The following BCLAF3 variants were observed in gnomAD, a reference collection of about 807,000 sequenced individuals.
BCLAF3 encodes the protein BCLAF1 and THRAP3 family member 3, also known as transient octamer binding factor 1.
Under a neutral mutation model 51.2 loss-of-function variants are expected in BCLAF3, and 24 were observed. The ratio of observed to expected loss-of-function variants is 0.47; its 90% CI spans 0.34 to 0.66. BCLAF3 has a LOEUF of 0.66. BCLAF3 is among the 30% of genes least tolerant of loss of function. The pLI, the probability that BCLAF3 is intolerant of heterozygous loss-of-function variation, is 0.01. For missense variants in BCLAF3, 465 were observed against 525.1 expected, an observed-to-expected ratio of 0.89 and a Z score of 1.12; for synonymous variants, 152 against 176.6, an observed-to-expected ratio of 0.86 and a Z score of 1.10.
intron 1 of BCLAF3, among the ~76,000 whole-genome samples, chrX:19,971,363 G>A (rs1403127780): frequency 8.9e-6 from 1 of 112,279 alleles, no homozygotes; most frequent in East Asian, 2.8e-4. Context: ...GATTACAGGC[G>A]TGAGCTACCA....
intron 1 of BCLAF3, among the ~76,000 whole-genome samples, chrX:19,989,490 G>T (rs2072888617): frequency 8.9e-6 from 1 of 111,867 alleles, no homozygotes; most frequent in Admixed American, 9.5e-5. Context: ...AGTGAGATTC[G>T]AAAGTAATCA....
At position 19,929,914 on chromosome X, in the gene BCLAF3, C is replaced by A. The variant is rs766849440; in HGVS notation, c.1977G>T (p.Gln659His). Residue 659 changes from glutamine (Q) to histidine (H), a missense_variant, in exon 11 of 12, where the codon CAG becomes CAT. Gln to His is a conservative substitution (Grantham distance 24). Coordinates refer to ENST00000379682, the MANE Select transcript of BCLAF3 (RefSeq NM_001367774.2). ...FKSNFRGGRC[Q>H]PNYKSGLVQK... ...GTACCAGGCCTGATTTATAATTGGG[C>A]TGGCATCTGCCACCTCTAAAGTTGC... 8.3e-7 allele frequency: 1 copy of A among 1,207,123 alleles called. No homozygotes were observed. The highest frequency in any genetic ancestry group is 2.2e-5 in the Admixed American group (1 of 45,129).
chrX:19,939,121 T>C (rs1359451754), intron 8 of BCLAF3, among the ~76,000 whole-genome samples: 1 of 111,738 alleles, frequency 8.9e-6, no homozygotes, highest in Non-Finnish European at 1.9e-5. Context: ...ATCAAAAGAG[T>C]AAAGTGCAAA....
chrX:19,936,238 T>C (rs1463621935), intron 9 of BCLAF3, among the ~76,000 whole-genome samples: 1 of 111,977 alleles, frequency 8.9e-6, no homozygotes, highest in Admixed American at 9.5e-5. Flanking sequence ...AATAAACCCA[T>C]TACTATCAGG....
intron 8 of BCLAF3, among the ~76,000 whole-genome samples, chrX:19,938,377 C>A (rs1464937808): frequency 9.0e-6 from 1 of 111,560 alleles, no homozygotes; most frequent in Non-Finnish European, 1.9e-5. Flanking sequence ...CCCCAACAGG[C>A]ACACTGAGCT....
chrX:19,989,636 A>T (rs2072890705), intron 1 of BCLAF3, among the ~76,000 whole-genome samples: 1 of 112,516 alleles, frequency 8.9e-6, no homozygotes, highest in Non-Finnish European at 1.9e-5. Flanking sequence ...ATTACAAAAG[A>T]GAATTCACTT....
At chrX:19,920,444 G>A (rs2070108004) in intron 11 of BCLAF3, among the ~76,000 whole-genome samples, 1 of 111,581 alleles carries the variant, frequency 9.0e-6, no homozygotes, top group African/African-American at 3.3e-5. Context: ...GGATGTGTGT[G>A]TGTGTGTGCA....
At chrX:19,961,051 C>T (rs868642218) in intron 4 of BCLAF3, among the ~76,000 whole-genome samples, 4 of 111,779 alleles carry the variant, frequency 3.6e-5, no homozygotes, top group Middle Eastern at 4.6e-3. Flanking sequence ...ACCACCTCCT[C>T]CCTCCTCCTC....
rs989751583 is a variant in BCLAF3, at chrX:19,913,120, C to T, written c.*4185G>A. ...ATGGAGTCTCGCTCTGTCGCCCAGG[C>T]TGGAGTGCAATGGCGTGGCCTCGGT... On this transcript the variant is annotated 3_prime_UTR_variant, in exon 12 of 12. Transcript: ENST00000379682. 3.6e-5 allele frequency: 4 copies of T among 112,006 alleles called. No homozygotes were observed. Among genetic ancestry groups the T allele is most frequent in the African/African-American group, 1.3e-4 (4 of 30,751 alleles). 9.2% of individuals were successfully genotyped at this position (112,006 alleles called of 1,213,427 possible).
At chrX:19,923,027 C>G (rs2070225120) in intron 11 of BCLAF3, 1 of 111,567 alleles carries the variant, frequency 9.0e-6, no homozygotes, top group Admixed American at 9.6e-5. Context: ...TTATCGAGTT[C>G]CTGTGGTATG....
chrX:19,923,866 G>C (rs1274321161), intron 11 of BCLAF3, among the ~76,000 whole-genome samples: 7 of 104,073 alleles, frequency 6.7e-5, no homozygotes, highest in African/African-American at 2.5e-4. Context: ...TTTTGAGACA[G>C]AATCTCACTC....
intron 1 of BCLAF3, among the ~76,000 whole-genome samples, chrX:19,978,220 G>A (rs1407097417): frequency 8.9e-6 from 1 of 111,950 alleles, no homozygotes; most frequent in Non-Finnish European, 1.9e-5. Flanking sequence ...TAAGACTATA[G>A]CTGCCATTGA....
At chrX:19,977,183 C>T (rs1748476358) in intron 1 of BCLAF3, among the ~76,000 whole-genome samples, 1 of 111,285 alleles carries the variant, frequency 9.0e-6, no homozygotes, top group African/African-American at 3.3e-5. Flanking sequence ...ACTAATAATC[C>T]TAAAATGGCC....
chrX:19,949,147 C>T (rs1346481473), intron 8 of BCLAF3, among the ~76,000 whole-genome samples: 1 of 111,692 alleles, frequency 9.0e-6, no homozygotes, highest in East Asian at 2.8e-4. Context: ...CATCCTTGCA[C>T]ACTACCACAC....
At position 19,938,305 on chromosome X, in the gene BCLAF3, A is replaced by T. The variant is rs374109463; in HGVS notation, c.1746-773T>A. 1.6e-4 allele frequency among the ~76,000 whole-genome samples: 17 copies of T among 107,620 alleles called. No homozygotes were observed. In the East Asian group the frequency reaches 2.6e-3, roughly 17 times the overall value. The allele number at this position is 107,620 out of a possible 115,157, so 93.5% of individuals were successfully genotyped here. A position where few individuals can be genotyped will look rare whatever the true frequency, so the allele number is the denominator to read the frequency against. ...CCACTGGCAACAAGATAACTTCCAC[A>T]CTCCTCATCGTGACCCCCCAAAGCC... On this transcript the variant is annotated intron_variant, in intron 8 of 11. Transcript: ENST00000379682.
intron 1 of BCLAF3, among the ~76,000 whole-genome samples, chrX:19,981,654 A>G (rs763739008): frequency 8.9e-6 from 1 of 112,361 alleles, no homozygotes; most frequent in South Asian, 3.6e-4. Flanking sequence ...GCATATTAAT[A>G]CTACACTATA....
intron 2 of BCLAF3, among the ~76,000 whole-genome samples, chrX:19,968,870 T>C (rs2072155326): frequency 1.8e-5 from 2 of 111,871 alleles, no homozygotes; most frequent in South Asian, 7.5e-4. Flanking sequence ...TCCCAGCACT[T>C]TGGGAGGCCG....
At chrX:19,963,354 A>C (rs140810243) in intron 4 of BCLAF3, among the ~76,000 whole-genome samples, 1,585 of 108,947 alleles carry the variant, frequency 0.015, 12 homozygotes, top group Non-Finnish European at 0.024. Context: ...CCTTAAGGTA[A>C]CATTCTTAAA....
rs772216388 is a variant in BCLAF3 at position 19,936,887 on chromosome X, G to C, written c.1860+531C>G. Among the ~76,000 whole-genome samples the C allele has an allele frequency of 2.7e-5, 3 of 111,669 alleles. No individual in the cohort carries two copies. In the Admixed American group the frequency reaches 2.9e-4, roughly 11 times the overall value. ...ATTCTAAAACTGGACTGTGGTGATG[G>C]TTGCACACTTTGGTTAATTTACTAA... On this transcript the variant is annotated intron_variant, in intron 9 of 11. Coordinates refer to ENST00000379682, the MANE Select transcript of BCLAF3 (RefSeq NM_001367774.2).
Sources: gnomAD v4.1 joint callset for allele counts (sites outside exome capture counted in the v4.1 genomes callset) on GRCh38, gnomAD v4.1.1 for gene constraint, MANE v1.5 for transcripts, NCBI Gene and HGNC (gene_info 2026-07-23, HGNC 2026-07-21) for gene names.